HSPA2: variants seen among roughly 807,000 people sequenced by gnomAD.
The protein encoded by HSPA2 is heat shock-related 70 kDa protein 2.
A neutral mutation model predicts 35.0 loss-of-function variants in HSPA2; 13 were observed. The ratio of observed to expected loss-of-function variants is 0.37; its 90% CI spans 0.24 to 0.59. The LOEUF (loss-of-function observed/expected upper bound fraction) is 0.59. Among genes scored for constraint, HSPA2 ranks in the 20% least tolerant of loss-of-function variants. The pLI is 0.70. For synonymous variants in HSPA2, 368 were observed against 382.1 expected (o/e 0.96, Z 0.43); for missense variants, 565 against 885.4 (o/e 0.64, Z 4.59).
At chr14:64,536,711 C>T (rs889576405), upstream of HSPA2, among the ~76,000 whole-genome samples, 1 of 152,172 alleles carries the variant, frequency 6.6e-6, no homozygotes. Context: ...TGCATTCCAG[C>T]CTGGGTGACA....
rs959716514 is a variant in HSPA2 at position 64,542,540 on chromosome 14, A to C, written c.1691A>C (p.Lys564Thr). The change falls in exon 1 of 1, where the codon AAG becomes ACG. Residue 564 changes from lysine to threonine, a missense_variant. Physicochemically the swap from Lys to Thr is moderately conservative, Grantham distance 78 (BLOSUM62 -1). This residue lies in a region of HSPA2 where 147 missense variants were observed against 166.7 expected (regional missense o/e 0.88). Coordinates refer to ENST00000247207, the MANE Select transcript of HSPA2 (RefSeq NM_021979.4). This position sits in a 1 kb window ranked among gnomAD's most constrained non-coding sequence, Gnocchi z 5.7. ...QTVEDEKLRG[K>T]ISEQDKNKIL... ...GTGGAAGACGAGAAACTGAGGGGCA[A>C]GATTAGCGAGCAGGACAAAAACAAG... 3 of 1,613,612 alleles carry C rather than the reference A, an allele frequency of 1.9e-6. No individual in the cohort carries two copies.
At chr14:64,538,781 C>T (rs1190177203), upstream of HSPA2, among the ~76,000 whole-genome samples, 1 of 152,236 alleles carries the variant, frequency 6.6e-6, no homozygotes, top group Non-Finnish European at 1.5e-5. Context: ...AGGACTTCCC[C>T]AGCCTCCCCA....
chr14:64,540,587 C>T (rs1012728723), upstream of HSPA2: 9 of 530,262 alleles, frequency 1.7e-5, no homozygotes, highest in Non-Finnish European at 2.6e-5. Context: ...GCCCCTCGTC[C>T]AACTTGAAAT....
rs916747462 is a variant in HSPA2 at position 64,542,987 on chromosome 14, T to C, written c.*218T>C. On this transcript the variant is annotated 3_prime_UTR_variant, in exon 1 of 1. Coordinates refer to ENST00000247207, the MANE Select transcript of HSPA2 (RefSeq NM_021979.4). This position sits in a 1 kb window ranked among gnomAD's most constrained non-coding sequence, Gnocchi z 5.7. ...TTCGAGGTTTCTCTTTAATGCATTT[T>C]GCGTGTTTGCTGACTTGAGCATTTT... The C allele has an allele frequency of 3.8e-6, 3 of 790,894 alleles. No homozygotes were observed. Among genetic ancestry groups the C allele is most frequent in the Admixed American group, 6.5e-5 (2 of 30,674 alleles). The allele number at this position is 790,894 out of a possible 1,614,324, so 49.0% of individuals were successfully genotyped here. A position where few individuals can be genotyped will look rare whatever the true frequency, so the allele number is the denominator to read the frequency against.
At chr14:64,539,589 T>C (rs1020769897), upstream of HSPA2, among the ~76,000 whole-genome samples, 6 of 152,154 alleles carry the variant, frequency 3.9e-5, no homozygotes, top group Admixed American at 3.9e-4. Flanking sequence ...GCCACACCCC[T>C]GTCTGCCGTC....
upstream of HSPA2, among the ~76,000 whole-genome samples, chr14:64,536,658 G>A (rs868095955): frequency 6.6e-6 from 1 of 152,180 alleles, no homozygotes; most frequent in Non-Finnish European, 1.5e-5. Flanking sequence ...TACTCCGGAG[G>A]CTGAAGTGGG....
Position 64,542,814 on chromosome 14 carries a change from CTCTT to C in HSPA2, c.*47_*50del, listed in dbSNP as rs2080044048. 4.2e-6 allele frequency: 6 copies of C among 1,441,744 alleles called. No homozygotes were observed. Among genetic ancestry groups the C allele is most frequent in the Middle Eastern group, 3.6e-4 (2 of 5,614 alleles). 89.3% of individuals were successfully genotyped at this position (1,441,744 alleles called of 1,614,324 possible). The stretch of plus-strand genomic sequence containing the variant: ...TAAACCTCTTTGCCTTTCTCTCTCT[CTCTT>C]TTTTTTTGTTTGTTTCTTTGAAATG... On this transcript the variant is annotated 3_prime_UTR_variant, in exon 1 of 1. Transcript: ENST00000247207. The surrounding 1 kb of genome is among the most constrained non-coding windows in gnomAD (Gnocchi z 5.7).
chr14:64,537,857 G>A (rs942452667), upstream of HSPA2, among the ~76,000 whole-genome samples: 27 of 151,384 alleles, frequency 1.8e-4, 1 homozygote, highest in Non-Finnish European at 1.5e-5. Context: ...CTCCCAAGTA[G>A]CTGGGATTAC....
At chr14:64,537,534 T>TGA (rs533886793), upstream of HSPA2, among the ~76,000 whole-genome samples, 22 of 151,824 alleles carry the variant, frequency 1.4e-4, no homozygotes, top group South Asian at 4.6e-3. Context: ...GAGGTTGCAG[T>TGA]GAGCCACTGC....
chr14:64,542,303 C>T lies in HSPA2; in HGVS notation c.1454C>T (p.Ala485Val). ...ATCGAGGTTACCTTCGACATTGACG[C>T]CAATGGCATCCTTAACGTTACCGCC... Reference protein sequence around the residue: ...PQIEVTFDIDANGILNVTAAD... With the variant: ...PQIEVTFDIDVNGILNVTAAD... The change falls in exon 1 of 1, where the codon GCC (alanine) becomes GTC (valine). Residue 485 changes from alanine (A) to valine (V), a missense_variant. Physicochemically the swap from Ala to Val is moderately conservative, Grantham distance 64. Around this residue, in one of 4 missense-constraint regions of HSPA2, gnomAD observed 234 missense variants for 419.0 expected, o/e 0.56. Transcript: ENST00000247207. This position sits in a 1 kb window ranked among gnomAD's most constrained non-coding sequence, Gnocchi z 5.7. 1 of 1,614,012 alleles carries T rather than the reference C, an allele frequency of 6.2e-7. No individual in the cohort carries two copies. Among genetic ancestry groups the T allele is most frequent in the Non-Finnish European group, 8.5e-7 (1 of 1,180,026 alleles).
chr14:64,538,178 A>G (rs2079993980), upstream of HSPA2, among the ~76,000 whole-genome samples: 1 of 152,180 alleles, frequency 6.6e-6, no homozygotes, highest in Non-Finnish European at 1.5e-5. Context: ...GATATACACC[A>G]CTAGATAAAA....
At chr14:64,538,035 T>G (rs1490546770), upstream of HSPA2, among the ~76,000 whole-genome samples, 1 of 152,144 alleles carries the variant, frequency 6.6e-6, no homozygotes, top group Non-Finnish European at 1.5e-5. Flanking sequence ...TTTCTAATAT[T>G]TTCTTTAAAA....
In HSPA2 at chr14:64,540,785, A is replaced by G; in HGVS notation, c.-65A>G. On this transcript the variant is annotated 5_prime_UTR_variant, in exon 1 of 1. Coordinates refer to ENST00000247207, the MANE Select transcript of HSPA2 (RefSeq NM_021979.4). ...TGGTGCTTGGTTCGAGGTGGCCGTT[A>G]GTTGACTCCGCGGAGTTCATCTCCC... 8 of 1,583,030 alleles carry G rather than the reference A, an allele frequency of 5.1e-6. No homozygotes were observed. The Admixed American group carries it at 8.7e-5, about 17-fold the overall frequency.
Position 64,542,719 on chromosome 14 carries a change from G to T in HSPA2, c.1870G>T (p.Gly624Cys), listed in dbSNP as rs1302446310. The T allele has an allele frequency of 6.2e-7, 1 of 1,613,624 alleles. No individual in the cohort carries two copies. Among genetic ancestry groups the T allele is most frequent in the East Asian group, 2.2e-5 (1 of 44,858 alleles). Residue 624 changes from glycine (G) to cysteine (C), a missense_variant, in exon 1 of 1, where the codon GGC becomes TGC. Physicochemically the swap from Gly to Cys is radical, Grantham distance 159 (BLOSUM62 -3). Coordinates refer to ENST00000247207, the MANE Select transcript of HSPA2 (RefSeq NM_021979.4). The surrounding 1 kb of genome is among the most constrained non-coding windows in gnomAD (Gnocchi z 5.7). Reference protein sequence around the residue: ...YQGGPGGGSGGGGSGASGGPT... With the variant: ...YQGGPGGGSGCGGSGASGGPT... ...AGGTGGTCCTGGCGGCGGCAGCGGCGGCGGCGGTTCAGGAGCCTCCGGGGG... is the reference window on the plus strand; with the variant it reads ...AGGTGGTCCTGGCGGCGGCAGCGGCTGCGGCGGTTCAGGAGCCTCCGGGGG...
rs1268360248 is a variant in HSPA2 at position 64,541,590 on chromosome 14, G to T, written c.741G>T (p.Glu247Asp). 6.2e-7 allele frequency: 1 copy of T among 1,612,110 alleles called. No individual in the cohort carries two copies. Among genetic ancestry groups the T allele is most frequent in the Admixed American group, 1.7e-5 (1 of 60,024 alleles). ...DNRMVSHLAE[E>D]FKRKHKKDIG... is the part of the protein sequence containing the mutation. ...GCATGGTGAGCCACCTGGCGGAGGA[G>T]TTCAAGCGCAAGCACAAGAAGGACA... The change falls in exon 1 of 1, where the codon GAG becomes GAT. Residue 247 changes from glutamate (E) to aspartate (D), a missense_variant. Coordinates refer to ENST00000247207, the MANE Select transcript of HSPA2 (RefSeq NM_021979.4).
chr14:64,536,319 T>C (rs1022645642), upstream of HSPA2, among the ~76,000 whole-genome samples: 2 of 152,256 alleles, frequency 1.3e-5, no homozygotes, highest in Non-Finnish European at 2.9e-5. Context: ...TACTATAATT[T>C]AGGTAATCTC....
upstream of HSPA2, among the ~76,000 whole-genome samples, chr14:64,538,172 T>C (rs541567120): frequency 1.3e-5 from 2 of 152,362 alleles, no homozygotes; most frequent in African/African-American, 2.4e-5. Flanking sequence ...GGAAATGATA[T>C]ACACCACTAG....
In HSPA2 at chr14:64,542,911, A is replaced by C; in HGVS notation, c.*142A>C. 7.7e-7 allele frequency: 1 copy of C among 1,293,006 alleles called. No individual in the cohort carries two copies. The highest frequency in any genetic ancestry group is 1.0e-6 in the Non-Finnish European group (1 of 959,576). 80.1% of individuals were successfully genotyped at this position (1,293,006 alleles called of 1,614,324 possible). A position where few individuals can be genotyped will look rare whatever the true frequency, so the allele number is the denominator to read the frequency against. ...ATATGCAAATGAAAGGAGAGGTGCA[A>C]CAACTTAGTTTAATTATAAAAGTTC... On this transcript the variant is annotated 3_prime_UTR_variant, in exon 1 of 1. Transcript: ENST00000247207. The surrounding 1 kb of genome is among the most constrained non-coding windows in gnomAD (Gnocchi z 5.7).
chr14:64,537,294 AAG>A (rs891506911), upstream of HSPA2, among the ~76,000 whole-genome samples: 23 of 152,228 alleles, frequency 1.5e-4, no homozygotes, highest in Admixed American at 5.2e-4. Context: ...GAAAGAAAGA[AAG>A]AGAAAGAAAA....
Sources: gnomAD v4.1 joint callset for allele counts (sites outside exome capture counted in the v4.1 genomes callset) on GRCh38, gnomAD v4.1.1 for gene constraint, gnomAD v4.1.1 regional missense constraint, Gnocchi (gnomAD v3.1) non-coding constraint, MANE v1.5 for transcripts, NCBI Gene and HGNC (gene_info 2026-07-23, HGNC 2026-07-21) for gene names.